FHIT: variants seen among roughly 807,000 people sequenced by gnomAD.
FHIT encodes the protein bis(5'-adenosyl)-triphosphatase.
In FHIT, 19 loss-of-function variants were observed where a neutral mutation model predicts 17.9. That is an observed-to-expected ratio of 1.06 (90% CI 0.74 to 1.56). The LOEUF (loss-of-function observed/expected upper bound fraction) is 1.56, where lower values mean the gene tolerates loss of function less well. Among genes scored for constraint, FHIT ranks in the 40% most tolerant of loss-of-function variants. The pLI is 0.00. For synonymous variants in FHIT, 81 were observed against 69.7 expected (o/e 1.16, Z -0.81); for missense variants, 248 against 189.2 (o/e 1.31, Z -1.82).
chr3:60,786,879 A>G (rs1553727108), intron 4 of FHIT, among the ~76,000 whole-genome samples: 1 of 152,146 alleles, frequency 6.6e-6, no homozygotes, highest in African/African-American at 2.4e-5. Context: ...CTGAGTATAT[A>G]AAAGAAGATA....
At chr3:61,200,186 G>A (rs2038971276) in intron 2 of FHIT, among the ~76,000 whole-genome samples, 1 of 152,124 alleles carries the variant, frequency 6.6e-6, no homozygotes, top group African/African-American at 2.4e-5. Flanking sequence ...CCATGCAACT[G>A]CACAACTGAC....
intron 5 of FHIT, among the ~76,000 whole-genome samples, chr3:60,407,925 A>G (rs1258176537): frequency 6.6e-6 from 1 of 152,216 alleles, no homozygotes; most frequent in African/African-American, 2.4e-5. Flanking sequence ...AATGAAGAGT[A>G]TCACACAACC....
At chr3:60,063,223 T>C (rs1231466533) in intron 5 of FHIT, among the ~76,000 whole-genome samples, 3 of 152,140 alleles carry the variant, frequency 2.0e-5, no homozygotes, top group Admixed American at 6.5e-5. Flanking sequence ...TAGATCTCCA[T>C]TGAGCAACAA....
At chr3:60,365,196 T>C (rs1700058299) in intron 5 of FHIT, among the ~76,000 whole-genome samples, 1 of 150,200 alleles carries the variant, frequency 6.7e-6, no homozygotes. Context: ...CTAAGACCAC[T>C]AAAATTGGGA....
chr3:60,321,081 TC>T (rs964747847), intron 5 of FHIT, among the ~76,000 whole-genome samples: 2 of 152,218 alleles, frequency 1.3e-5, no homozygotes, highest in Non-Finnish European at 2.9e-5. Flanking sequence ...CTTGTTTCTC[TC>T]CTTTGTGGAG....
At chr3:60,013,332 G>A (rs1700212193) in intron 6 of FHIT, among the ~76,000 whole-genome samples, 1 of 152,166 alleles carries the variant, frequency 6.6e-6, no homozygotes, top group Non-Finnish European at 1.5e-5. Context: ...TCAGAGCCAT[G>A]AAGGACTTTA....
chr3:60,661,256 T>A (rs1403421316), intron 4 of FHIT, among the ~76,000 whole-genome samples: 1 of 152,148 alleles, frequency 6.6e-6, no homozygotes, highest in Admixed American at 6.5e-5. Flanking sequence ...CTTATGCCTT[T>A]GCATCCTCAT....
intron 5 of FHIT, among the ~76,000 whole-genome samples, chr3:60,029,274 C>G (rs143160904): frequency 2.0e-3 from 302 of 152,214 alleles, no homozygotes; most frequent in African/African-American, 6.9e-3. Context: ...TTTCCGCTTG[C>G]GTGGTCATTT....
At chr3:59,761,931 T>TTAAG (rs1418286457) in intron 8 of FHIT, among the ~76,000 whole-genome samples, 13 of 152,186 alleles carry the variant, frequency 8.5e-5, no homozygotes, top group Non-Finnish European at 1.8e-4. Context: ...TATTTCCTTA[T>TTAAG]TAAGTCAGGA....
intron 8 of FHIT, among the ~76,000 whole-genome samples, chr3:59,766,848 C>T (rs1297569879): frequency 1.3e-5 from 2 of 152,122 alleles, no homozygotes; most frequent in Non-Finnish European, 2.9e-5. Flanking sequence ...AGCAATTTTG[C>T]TCCTTTCTCT....
At chr3:60,787,300 A>C (rs1394251990) in intron 4 of FHIT, among the ~76,000 whole-genome samples, 1 of 152,214 alleles carries the variant, frequency 6.6e-6, no homozygotes, top group African/African-American at 2.4e-5. Context: ...TTACACATAC[A>C]GATGTTTTCC....
intron 5 of FHIT, among the ~76,000 whole-genome samples, chr3:60,380,646 C>G (rs1370760136): frequency 6.6e-6 from 1 of 152,140 alleles, no homozygotes; most frequent in East Asian, 1.9e-4. Flanking sequence ...TGTCTCCGTA[C>G]ACGTCCAAGT....
chr3:59,752,163 C>T, intron 9 of FHIT, 58 bp downstream of exon 9: 2 of 1,226,456 alleles, frequency 1.6e-6, no homozygotes, highest in South Asian at 1.3e-5. Flanking sequence ...TCTGAGAGTG[C>T]AGCCTCTTTC....
intron 5 of FHIT, among the ~76,000 whole-genome samples, chr3:60,103,995 A>G (rs561270029): frequency 2.0e-5 from 3 of 152,280 alleles, no homozygotes; most frequent in Admixed American, 6.5e-5. Context: ...CTATGCTCCT[A>G]TCAGATATGG....
At chr3:59,891,335 T>C (rs759278251) in intron 8 of FHIT, among the ~76,000 whole-genome samples, 3 of 151,372 alleles carry the variant, frequency 2.0e-5, no homozygotes, top group Admixed American at 1.3e-4. Flanking sequence ...GAAAAGGGAG[T>C]GGTTTATTCT....
intron 3 of FHIT, among the ~76,000 whole-genome samples, chr3:60,987,648 G>T (rs1204771050): frequency 6.6e-6 from 1 of 152,190 alleles, no homozygotes; most frequent in Non-Finnish European, 1.5e-5. Flanking sequence ...CTGTGTGTGT[G>T]TCTTTAATTC....
intron 2 of FHIT, among the ~76,000 whole-genome samples, chr3:61,140,683 TAGA>T (rs975463818): frequency 2.6e-5 from 4 of 152,132 alleles, no homozygotes; most frequent in Non-Finnish European, 1.5e-5. Flanking sequence ...TCCTTATATC[TAGA>T]AGAACGTCCT....
chr3:60,176,439 G>T (rs1701673700), intron 5 of FHIT, among the ~76,000 whole-genome samples: 1 of 152,170 alleles, frequency 6.6e-6, no homozygotes, highest in African/African-American at 2.4e-5. Context: ...AAAGAATATA[G>T]AAATACTCTC....
intron 5 of FHIT, among the ~76,000 whole-genome samples, chr3:60,242,669 G>A (rs1181350015): frequency 6.6e-6 from 1 of 151,958 alleles, no homozygotes; most frequent in East Asian, 1.9e-4. Flanking sequence ...TGAGCACAGG[G>A]ATCCCCGAAA....
Sources: allele counts gnomAD v4.1 joint callset (sites outside exome capture counted in the v4.1 genomes callset), GRCh38; gene constraint gnomAD v4.1.1; transcripts MANE v1.5; gene names NCBI Gene and HGNC (gene_info 2026-07-23, HGNC 2026-07-21).